Variants in LRMDA observed in about 807,000 individuals in gnomAD.
LRMDA encodes the protein leucine rich melanocyte differentiation associated.
Under a neutral mutation model 29.8 loss-of-function variants are expected in LRMDA, and 18 were observed. The ratio of observed to expected loss-of-function variants is 0.60; its 90% confidence interval spans 0.42 to 0.90. The LOEUF is 0.90. Ranked by LOEUF, LRMDA falls within the 40% of genes least tolerant of loss-of-function variation. The pLI is 0.00. For synonymous variants in LRMDA, 125 were observed against 109.4 expected, an observed-to-expected ratio of 1.14 and a Z score of -0.89; for missense variants, 273 against 273.9, an observed-to-expected ratio of 1.00 and a Z score of 0.02.
At chr10:75,805,273 G>A (rs1056491968) in intron 2 of LRMDA, among the ~76,000 whole-genome samples, 1 of 152,152 alleles carries the variant, frequency 6.6e-6, no homozygotes. Context: ...GAAAGTAATG[G>A]TGTTCATCTG....
intron 5 of LRMDA, among the ~76,000 whole-genome samples, chr10:76,148,863 T>C (rs932610914): frequency 1.3e-5 from 2 of 152,194 alleles, no homozygotes; most frequent in African/African-American, 4.8e-5. Flanking sequence ...GTTGCTTATT[T>C]TGAACAGGCC....
chr10:75,448,755 A>T (rs1417126586), intron 2 of LRMDA, among the ~76,000 whole-genome samples: 1 of 152,184 alleles, frequency 6.6e-6, no homozygotes, highest in Non-Finnish European at 1.5e-5. Context: ...GGTTCTCTTG[A>T]TGAGCTTCAT....
chr10:75,811,523 C>T (rs1356671875), intron 2 of LRMDA, among the ~76,000 whole-genome samples: 1 of 152,200 alleles, frequency 6.6e-6, no homozygotes, highest in African/African-American at 2.4e-5. Flanking sequence ...GGATCCTTCT[C>T]AACATGGTAC....
intron 2 of LRMDA, among the ~76,000 whole-genome samples, chr10:75,841,233 C>T (rs1251481751): frequency 6.6e-6 from 1 of 152,222 alleles, no homozygotes; most frequent in African/African-American, 2.4e-5. Flanking sequence ...GTGTTTTAAT[C>T]ATCTCCTTCC....
intron 2 of LRMDA, among the ~76,000 whole-genome samples, chr10:75,856,007 C>T (rs1327909778): frequency 1.3e-5 from 2 of 152,142 alleles, no homozygotes; most frequent in African/African-American, 2.4e-5. Context: ...GTGATGCCTC[C>T]AGCTTTGTTC....
intron 5 of LRMDA, among the ~76,000 whole-genome samples, chr10:76,207,871 G>A (rs1314346931): frequency 1.3e-5 from 2 of 152,102 alleles, no homozygotes; most frequent in Non-Finnish European, 2.9e-5. Context: ...GCCTGAGACA[G>A]GAGAATCACT....
chr10:75,438,635 G>C, intron 2 of LRMDA, 141 bp downstream of exon 2: 1 of 655,368 alleles, frequency 1.5e-6, no homozygotes, highest in Non-Finnish European at 2.6e-6. Context: ...GAGATGCGTG[G>C]AATCACACCC....
At chr10:75,623,959 G>T (rs899166866) in intron 2 of LRMDA, among the ~76,000 whole-genome samples, 1 of 152,138 alleles carries the variant, frequency 6.6e-6, no homozygotes, top group South Asian at 2.1e-4. Context: ...ATCAGAGGCC[G>T]TTTTCAAATA....
chr10:76,457,432 C>T (rs993053377), intron 6 of LRMDA, among the ~76,000 whole-genome samples: 2 of 152,138 alleles, frequency 1.3e-5, no homozygotes, highest in Non-Finnish European at 2.9e-5. Context: ...GGTGACACTG[C>T]TTTTTCGTTG....
At chr10:76,136,283 C>A (rs745417074) in intron 5 of LRMDA, among the ~76,000 whole-genome samples, 17 of 152,096 alleles carry the variant, frequency 1.1e-4, no homozygotes, top group Non-Finnish European at 2.2e-4. Flanking sequence ...TATAGGGAAT[C>A]TTCTTTTTGT....
chr10:75,691,105 T>TATACACACACAC, intron 2 of LRMDA, among the ~76,000 whole-genome samples: 1 of 83,338 alleles, frequency 1.2e-5, no homozygotes, highest in African/African-American at 8.3e-5. Context: ...CATAGATATA[T>TATACACACACAC]AGATCTATAT....
chr10:76,389,739 GCTTA>G (rs72157329), intron 6 of LRMDA, among the ~76,000 whole-genome samples: 24,261 of 151,998 alleles, frequency 0.16, 4,087 homozygotes, highest in African/African-American at 0.43. Flanking sequence ...GGACTTTTGT[GCTTA>G]CTTATTTCGC....
At chr10:76,340,873 C>A (rs74350986) in intron 6 of LRMDA, among the ~76,000 whole-genome samples, 2,956 of 152,128 alleles carry the variant, frequency 0.019, 98 homozygotes, top group African/African-American at 0.067. Context: ...TGTTAAGGAG[C>A]AGATAATAAG....
chr10:75,919,118 A>C (rs1158148115), intron 2 of LRMDA, among the ~76,000 whole-genome samples: 1 of 152,208 alleles, frequency 6.6e-6, no homozygotes, highest in Non-Finnish European at 1.5e-5. Context: ...TGAGGTTCTA[A>C]AGAGGCTTAG....
intron 6 of LRMDA, among the ~76,000 whole-genome samples, chr10:76,553,192 A>G (rs1843515619): frequency 1.3e-5 from 2 of 152,340 alleles, no homozygotes; most frequent in South Asian, 4.1e-4. Flanking sequence ...GAAACCCCAC[A>G]CAGACAGCTG....
intron 2 of LRMDA, among the ~76,000 whole-genome samples, chr10:75,614,088 A>G (rs756169029): frequency 2.4e-4 from 36 of 152,166 alleles, no homozygotes; most frequent in Non-Finnish European, 2.9e-4. Flanking sequence ...AATATCTTAT[A>G]GTTATTTTAC....
intron 2 of LRMDA, among the ~76,000 whole-genome samples, chr10:75,600,956 T>C (rs1423087968): frequency 2.0e-5 from 3 of 152,204 alleles, no homozygotes; most frequent in Non-Finnish European, 4.4e-5. Context: ...ATTTCTCCTC[T>C]TCCAGAGCTG....
chr10:76,076,345 CA>C (rs397846101), intron 5 of LRMDA, among the ~76,000 whole-genome samples: 146 of 50,024 alleles, frequency 2.9e-3, no homozygotes, highest in African/African-American at 4.4e-3. Context: ...GACTCCATCT[CA>C]AAAAAAAAAA....
intron 6 of LRMDA, among the ~76,000 whole-genome samples, chr10:76,371,377 A>G (rs1022042258): frequency 5.3e-5 from 8 of 152,138 alleles, no homozygotes; most frequent in Admixed American, 3.9e-4. Flanking sequence ...TTAACACAGT[A>G]TGAGTTTAGT....
Sources: allele counts gnomAD v4.1 joint callset (sites outside exome capture counted in the v4.1 genomes callset), GRCh38; gene constraint gnomAD v4.1.1; transcripts MANE v1.5; gene names NCBI Gene and HGNC (gene_info 2026-07-23, HGNC 2026-07-21).